Variants in RABGAP1L observed in about 807,000 individuals in gnomAD.
RABGAP1L encodes the protein rab GTPase-activating protein 1-like.
RABGAP1L carries 63 observed loss-of-function variants against 137.7 expected under a neutral mutation model. The ratio of observed to expected loss-of-function variants is 0.46; its 90% CI spans 0.37 to 0.56. The LOEUF is 0.56. Among genes scored for constraint, RABGAP1L ranks in the 20% least tolerant of loss-of-function variants. The pLI is 0.00. For synonymous variants in RABGAP1L, 431 were observed against 433.7 expected (o/e 0.99, Z 0.08); for missense variants, 1,095 against 1,244.0 (o/e 0.88, Z 1.80).
chr1:174,657,470 T>G (rs1452847318), intron 14 of RABGAP1L, among the ~76,000 whole-genome samples: 1 of 152,202 alleles, frequency 6.6e-6, no homozygotes, highest in African/African-American at 2.4e-5. Context: ...CTTTTTTAGC[T>G]TCTGCATATG....
chr1:174,248,095 A>G (rs1239996928), intron 5 of RABGAP1L, among the ~76,000 whole-genome samples: 1 of 152,192 alleles, frequency 6.6e-6, no homozygotes, highest in Non-Finnish European at 1.5e-5. Context: ...CTTCAATGAC[A>G]TATTTCTAGC....
intron 1 of RABGAP1L, among the ~76,000 whole-genome samples, chr1:174,199,953 AC>A (rs1443847602): frequency 1.3e-5 from 2 of 152,258 alleles, no homozygotes; most frequent in East Asian, 3.8e-4. Context: ...CTCATAGGAA[AC>A]AAATATGAGG....
intron 13 of RABGAP1L, among the ~76,000 whole-genome samples, chr1:174,519,092 C>T (rs9730220): frequency 0.39 from 57,473 of 148,866 alleles, 13,789 homozygotes; most frequent in African/African-American, 0.69. Context: ...TATATATATA[C>T]ACACACACAC....
At chr1:174,977,291 C>T (rs1050275512) in intron 22 of RABGAP1L, among the ~76,000 whole-genome samples, 3 of 152,120 alleles carry the variant, frequency 2.0e-5, no homozygotes, top group Non-Finnish European at 2.9e-5. Context: ...ATATTTCTTA[C>T]CTACTCAAAA....
chr1:174,253,934 A>G lies in RABGAP1L; in HGVS notation c.986+1344A>G, dbSNP rs970445959. 3.2e-4 allele frequency among the ~76,000 whole-genome samples: 49 copies of G among 152,182 alleles called. 1 individual carries two copies. Among genetic ancestry groups the G allele is most frequent in the Non-Finnish European group, 5.6e-4 (38 of 68,038 alleles). ...TGTCTTATTCTAGGGAATCTGTGCT[A>G]TTGGAAATAAAATTCCAATAATAAA... is the stretch of plus-strand genomic sequence containing the variant. On this transcript the variant is annotated intron_variant, in intron 7 of 25. Coordinates refer to ENST00000681986, the MANE Select transcript of RABGAP1L (RefSeq NM_001366446.1).
rs1453253906 is a variant in RABGAP1L at position 174,993,596 on chromosome 1, AT to A, written c.*3596del. On this transcript the variant is annotated 3_prime_UTR_variant, in exon 26 of 26. Coordinates refer to ENST00000681986, the MANE Select transcript of RABGAP1L (RefSeq NM_001366446.1). ...TGAGCCAGTCACCCAGGAGAATCAC[AT>A]GTGTAACTGATGTAGGGGTTTAAGT... 6.6e-6 allele frequency: 1 copy of A among 152,226 alleles called. No individual in the cohort carries two copies. The highest frequency in any genetic ancestry group is 1.5e-5 in the Non-Finnish European group (1 of 68,042). 9.4% of individuals were successfully genotyped at this position (152,226 alleles called of 1,614,324 possible).
chr1:174,222,350 G>C (rs1295594230), intron 3 of RABGAP1L, among the ~76,000 whole-genome samples: 1 of 152,146 alleles, frequency 6.6e-6, no homozygotes, highest in Non-Finnish European at 1.5e-5. Flanking sequence ...TTGGTACAGG[G>C]TAAGTATAGG....
chr1:174,948,805 A>C (rs1437849888), intron 19 of RABGAP1L: 2 of 152,202 alleles, frequency 1.3e-5, no homozygotes, highest in Non-Finnish European at 2.9e-5. Context: ...GGCATGATGT[A>C]GTAAAGGTAC....
chr1:174,333,193 C>T (rs985419550), intron 11 of RABGAP1L, among the ~76,000 whole-genome samples: 11 of 152,088 alleles, frequency 7.2e-5, no homozygotes, highest in Admixed American at 6.5e-5. Context: ...TGGGGAGAGG[C>T]TGGTCAGTGG....
chr1:174,800,509 G>GTTT, intron 18 of RABGAP1L: 1 of 1,549,718 alleles, frequency 6.5e-7, no homozygotes, highest in Non-Finnish European at 8.7e-7. Flanking sequence ...CGGTGAGATT[G>GTTT]TTTTTCATTG....
chr1:174,521,164 G>C (rs1210605382), intron 13 of RABGAP1L, among the ~76,000 whole-genome samples: 2 of 152,134 alleles, frequency 1.3e-5, no homozygotes, highest in Non-Finnish European at 2.9e-5. Flanking sequence ...ATAGGCTAAA[G>C]AAATTAATTT....
intron 1 of RABGAP1L, among the ~76,000 whole-genome samples, chr1:174,160,589 A>G (rs1050391351): frequency 6.6e-6 from 1 of 152,152 alleles, no homozygotes; most frequent in African/African-American, 2.4e-5. Context: ...TTATTACACT[A>G]ATGGTAAGGA....
intron 13 of RABGAP1L, among the ~76,000 whole-genome samples, chr1:174,457,477 C>CTTTTTTTT (rs746968960): frequency 9.3e-6 from 1 of 107,496 alleles, no homozygotes; most frequent in Non-Finnish European, 1.8e-5. Context: ...CAGGCATCAT[C>CTTTTTTTT]TTTTTTTTTT....
intron 13 of RABGAP1L, among the ~76,000 whole-genome samples, chr1:174,610,782 G>C (rs1366747639): frequency 6.6e-6 from 1 of 152,182 alleles, no homozygotes; most frequent in Non-Finnish European, 1.5e-5. Context: ...TTGTGGTTTT[G>C]ATTTGCATTT....
intron 14 of RABGAP1L, among the ~76,000 whole-genome samples, chr1:174,656,607 A>G (rs1675990394): frequency 6.6e-6 from 1 of 152,120 alleles, no homozygotes; most frequent in Non-Finnish European, 1.5e-5. Flanking sequence ...ACCCTTTATT[A>G]CCCCTGCCCT....
chr1:174,230,511 T>G (rs1036332803), intron 3 of RABGAP1L, among the ~76,000 whole-genome samples: 1 of 152,174 alleles, frequency 6.6e-6, no homozygotes, highest in African/African-American at 2.4e-5. Flanking sequence ...ATTGACATTG[T>G]GAGGATGAGA....
intron 13 of RABGAP1L, among the ~76,000 whole-genome samples, chr1:174,490,977 C>T (rs373358809): frequency 3.9e-5 from 6 of 152,154 alleles, no homozygotes; most frequent in East Asian, 1.9e-4. Context: ...GTGGGCTCCC[C>T]TCTGGCCCAT....
At chr1:174,604,848 C>A (rs1670661820) in intron 13 of RABGAP1L, among the ~76,000 whole-genome samples, 1 of 152,146 alleles carries the variant, frequency 6.6e-6, no homozygotes, top group Non-Finnish European at 1.5e-5. Flanking sequence ...TTCATCAAAA[C>A]TCTTGTAAAA....
At chr1:174,545,067 G>C (rs1665882260) in intron 13 of RABGAP1L, 1 of 152,580 alleles carries the variant, frequency 6.6e-6, no homozygotes, top group Non-Finnish European at 1.5e-5. Context: ...CCCACTTGAG[G>C]AGGCAGTCTG....
Sources: gnomAD v4.1 joint callset for allele counts (sites outside exome capture counted in the v4.1 genomes callset) on GRCh38, gnomAD v4.1.1 for gene constraint, MANE v1.5 for transcripts, NCBI Gene and HGNC (gene_info 2026-07-23, HGNC 2026-07-21) for gene names.